PGCKA1: variants seen among roughly 807,000 people sequenced by gnomAD.
PGCKA1 encodes PDCD10 and GCKIII kinases-associated protein 1.
the PGCKA1 span, among the ~76,000 whole-genome samples, chr4:37,545,101 G>A: frequency 0.053 from 8,083 of 152,012 alleles, 714 homozygotes; most frequent in African/African-American, 0.18. Context: ...AGTGATCCAC[G>A]CACCTTGGCC....
At chr4:37,581,446 C>T in the PGCKA1 span, among the ~76,000 whole-genome samples, 2 of 152,188 alleles carry the variant, frequency 1.3e-5, no homozygotes, top group African/African-American at 4.8e-5. The surrounding 1 kb of genome is among the most constrained non-coding windows in gnomAD (Gnocchi z 4.4). Context: ...GGGCTCTCCA[C>T]TCAGCAGGTG....
At chr4:37,494,939 G>C in the PGCKA1 span, among the ~76,000 whole-genome samples, 1 of 151,532 alleles carries the variant, frequency 6.6e-6, no homozygotes, top group Non-Finnish European at 1.5e-5. Context: ...AAAAGTGTCT[G>C]TTCAGCAACC....
the PGCKA1 span, among the ~76,000 whole-genome samples, chr4:37,585,771 TG>T: frequency 5.3e-5 from 8 of 151,790 alleles, no homozygotes; most frequent in African/African-American, 1.9e-4. Flanking sequence ...GCTTTAGAAA[TG>T]GGGTAGTTTA....
chr4:37,467,103 A>G, the PGCKA1 span, among the ~76,000 whole-genome samples: 4 of 152,210 alleles, frequency 2.6e-5, 1 homozygote, highest in Admixed American at 2.6e-4. Flanking sequence ...ATCTCAGAAA[A>G]AGAAGTACAG....
At chr4:37,556,923 A>G in the PGCKA1 span, among the ~76,000 whole-genome samples, 1 of 152,236 alleles carries the variant, frequency 6.6e-6, no homozygotes, top group South Asian at 2.1e-4. Context: ...GAGCTTAAGG[A>G]GTTACTGAAC....
the PGCKA1 span, chr4:37,460,614 T>C: frequency 2.7e-5 from 12 of 451,426 alleles, no homozygotes; most frequent in Non-Finnish European, 5.3e-5. Flanking sequence ...ATATGTTTGT[T>C]GGTCACATAA....
the PGCKA1 span, among the ~76,000 whole-genome samples, chr4:37,483,014 C>A: frequency 6.6e-6 from 1 of 152,196 alleles, no homozygotes; most frequent in East Asian, 1.9e-4. Context: ...AATCTCATCC[C>A]GAATTGTAGT....
chr4:37,557,548 GC>G, the PGCKA1 span, among the ~76,000 whole-genome samples: 2 of 152,158 alleles, frequency 1.3e-5, no homozygotes. Flanking sequence ...GGCAGATGGG[GC>G]GAGGCAGCTC....
the PGCKA1 span, among the ~76,000 whole-genome samples, chr4:37,507,171 C>G: frequency 3.3e-5 from 5 of 151,864 alleles, no homozygotes; most frequent in African/African-American, 1.2e-4. Context: ...CTATTTGTGT[C>G]TTTATAAAAG....
chr4:37,502,039 G>A, the PGCKA1 span, among the ~76,000 whole-genome samples: 9 of 152,136 alleles, frequency 5.9e-5, no homozygotes, highest in Non-Finnish European at 8.8e-5. Flanking sequence ...TAAGGGATTC[G>A]TATCAGACCC....
the PGCKA1 span, chr4:37,588,955 C>T: frequency 1.5e-6 from 2 of 1,362,732 alleles, no homozygotes; most frequent in South Asian, 2.3e-5. Context: ...AGCGTGGGGT[C>T]ACTTTTAAAG....
chr4:37,460,801 T>C, the PGCKA1 span: 1 of 339,108 alleles, frequency 2.9e-6, no homozygotes. Flanking sequence ...TTCACTCTGA[T>C]GATAGTTTCT....
the PGCKA1 span, among the ~76,000 whole-genome samples, chr4:37,592,588 T>C: frequency 6.6e-6 from 1 of 152,212 alleles, no homozygotes; most frequent in Non-Finnish European, 1.5e-5. Flanking sequence ...GCATTAAGGA[T>C]GCTCAAAACT....
the PGCKA1 span, among the ~76,000 whole-genome samples, chr4:37,564,127 A>G: frequency 6.6e-6 from 1 of 151,930 alleles, no homozygotes; most frequent in African/African-American, 2.4e-5. Context: ...ACAAAAAATT[A>G]GCTGGGCGTG....
At chr4:37,530,793 G>A in the PGCKA1 span, among the ~76,000 whole-genome samples, 120 of 151,982 alleles carry the variant, frequency 7.9e-4, no homozygotes, top group Non-Finnish European at 7.1e-4. Flanking sequence ...CCTGGCCAAC[G>A]TGATGAAGCC....
the PGCKA1 span, among the ~76,000 whole-genome samples, chr4:37,493,965 C>A: frequency 6.6e-6 from 1 of 152,100 alleles, no homozygotes; most frequent in Non-Finnish European, 1.5e-5. Flanking sequence ...TTTCTTTATC[C>A]ATTCATCTGT....
chr4:37,498,262 G>C, the PGCKA1 span, among the ~76,000 whole-genome samples: 1 of 152,164 alleles, frequency 6.6e-6, no homozygotes, highest in Non-Finnish European at 1.5e-5. Context: ...TGTTCCACTG[G>C]TCTATGTGCC....
the PGCKA1 span, among the ~76,000 whole-genome samples, chr4:37,496,322 G>A: frequency 6.6e-6 from 1 of 152,082 alleles, no homozygotes; most frequent in African/African-American, 2.4e-5. Context: ...TCTGCATATG[G>A]CAAGCCAGTT....
chr4:37,527,771 A>G, the PGCKA1 span, among the ~76,000 whole-genome samples: 1 of 151,850 alleles, frequency 6.6e-6, no homozygotes, highest in African/African-American at 2.4e-5. Context: ...CGGAGCTTGC[A>G]GTGAGCCGAG....
Sources: gnomAD v4.1 joint callset for allele counts (sites outside exome capture counted in the v4.1 genomes callset) on GRCh38, gnomAD v4.1.1 for gene constraint, Gnocchi (gnomAD v3.1) non-coding constraint, MANE v1.5 for transcripts, NCBI Gene and HGNC (gene_info 2026-07-23, HGNC 2026-07-21) for gene names.